DENND5B: variants seen among roughly 807,000 people sequenced by gnomAD.
The protein encoded by DENND5B is DENN domain-containing protein 5B.
In DENND5B, 34 loss-of-function variants were observed where a neutral mutation model predicts 140.6. The ratio of observed to expected loss-of-function variants is 0.24; its 90% CI spans 0.18 to 0.32. DENND5B has a LOEUF of 0.32. Among genes scored for constraint, DENND5B ranks in the 10% least tolerant of loss-of-function variants. The pLI is 1.00. For missense variants in DENND5B, 1,142 were observed against 1,560.2 expected, an observed-to-expected ratio of 0.73 and a Z score of 4.52; for synonymous variants, 551 against 562.1, an observed-to-expected ratio of 0.98 and a Z score of 0.28.
chr12:31,415,650 C>T (rs548427785), intron 11 of DENND5B, among the ~76,000 whole-genome samples: 13 of 152,234 alleles, frequency 8.5e-5, no homozygotes, highest in African/African-American at 2.6e-4. Flanking sequence ...GTGGCATGAT[C>T]GTGGCTCACT....
At chr12:31,541,734 C>T (rs952079024) in intron 1 of DENND5B, among the ~76,000 whole-genome samples, 3 of 152,118 alleles carry the variant, frequency 2.0e-5, no homozygotes, top group Non-Finnish European at 4.4e-5. Flanking sequence ...TATATCGAAG[C>T]GATATCTGCA....
At chr12:31,538,320 C>T (rs1408726441) in intron 1 of DENND5B, among the ~76,000 whole-genome samples, 1 of 152,140 alleles carries the variant, frequency 6.6e-6, no homozygotes, top group African/African-American at 2.4e-5. Flanking sequence ...AGCATCTTCT[C>T]TGACCACAAT....
intron 1 of DENND5B, among the ~76,000 whole-genome samples, chr12:31,501,943 C>T (rs1283752510): frequency 6.6e-6 from 1 of 152,056 alleles, no homozygotes; most frequent in African/African-American, 2.4e-5. Context: ...GAACTCCATT[C>T]TCAATTTTTC....
At chr12:31,450,435 C>A (rs1437223790) in intron 5 of DENND5B, among the ~76,000 whole-genome samples, 2 of 152,224 alleles carry the variant, frequency 1.3e-5, no homozygotes, top group African/African-American at 4.8e-5. Context: ...TCTTGGCTCA[C>A]TGCAGCCTCA....
intron 8 of DENND5B, chr12:31,432,176 A>G (rs1171985385): frequency 2.1e-6 from 2 of 966,090 alleles, no homozygotes; most frequent in Non-Finnish European, 2.5e-6. Flanking sequence ...AGAAATGCCA[A>G]TGACAGGAAA....
At chr12:31,439,856 G>A (rs1407563152) in intron 7 of DENND5B, among the ~76,000 whole-genome samples, 2 of 149,108 alleles carry the variant, frequency 1.3e-5, no homozygotes, top group Non-Finnish European at 1.5e-5. Flanking sequence ...CTTGAACCTG[G>A]GAGGTGGAGG....
Position 31,383,362 on chromosome 12 carries a change from C to T in DENND5B, c.*4241G>A, listed in dbSNP as rs1436024228. 1 of 152,146 alleles carries T rather than the reference C, an allele frequency of 6.6e-6. No homozygotes were observed. Among genetic ancestry groups the T allele is most frequent in the Non-Finnish European group, 1.5e-5 (1 of 68,032 alleles). 9.4% of individuals were successfully genotyped at this position (152,146 alleles called of 1,614,324 possible). The stretch of plus-strand genomic sequence containing the variant: ...TACTACACATAAGCTGTTGTATAGT[C>T]TTGAACCTCTTTTTCACTTACATTT... On this transcript the variant is annotated 3_prime_UTR_variant, in exon 21 of 21. Transcript: ENST00000389082.
At chr12:31,531,249 G>A (rs773908050) in intron 1 of DENND5B, among the ~76,000 whole-genome samples, 1 of 151,954 alleles carries the variant, frequency 6.6e-6, no homozygotes, top group Non-Finnish European at 1.5e-5. Flanking sequence ...ACCCAGGCTG[G>A]AGTGCAATGG....
At chr12:31,552,308 T>A (rs1472995085) in intron 1 of DENND5B, among the ~76,000 whole-genome samples, 1 of 152,218 alleles carries the variant, frequency 6.6e-6, no homozygotes, top group African/African-American at 2.4e-5. Flanking sequence ...CTTTTCTGCA[T>A]CTATTGAGAT....
chr12:31,509,697 G>C (rs531256402), intron 1 of DENND5B, among the ~76,000 whole-genome samples: 1 of 152,256 alleles, frequency 6.6e-6, no homozygotes, highest in East Asian at 1.9e-4. Context: ...TAAGAGGAGG[G>C]AGATAATAAG....
At chr12:31,392,190 C>G in intron 19 of DENND5B, 77 bp downstream of exon 19, 3 of 1,500,706 alleles carry the variant, frequency 2.0e-6, no homozygotes, top group Non-Finnish European at 2.7e-6. Context: ...AACCCTTATT[C>G]ACTCAGATTC....
intron 14 of DENND5B, among the ~76,000 whole-genome samples, chr12:31,407,805 C>T (rs1942216848): frequency 6.6e-6 from 1 of 152,172 alleles, no homozygotes; most frequent in Admixed American, 6.6e-5. Context: ...TGCCCACTGC[C>T]TACTTTGAGA....
At position 31,480,116 on chromosome 12, in the gene DENND5B, T is replaced by G. The variant is rs1288071363; in HGVS notation, c.377A>C (p.Lys126Thr). ...VLTFYEEVTS[K>T]QICTAMQTLY... ...TGTCTGCATTGCTGTGCAGATTTGC[T>G]TACTTGTAACTTCTTCATAAAAAGT... The change falls in exon 3 of 21, where the codon AAG (lysine) becomes ACG (threonine). Residue 126 changes from lysine (K) to threonine (T), a missense_variant. By Grantham distance (78) the Lys-to-Thr change is moderately conservative. Transcript: ENST00000389082. The G allele has an allele frequency of 1.1e-5, 18 of 1,613,272 alleles. No individual in the cohort carries two copies. The highest frequency in any genetic ancestry group is 1.5e-5 in the Non-Finnish European group (18 of 1,179,580).
intron 1 of DENND5B, among the ~76,000 whole-genome samples, chr12:31,545,352 A>G (rs1208982204): frequency 6.6e-6 from 1 of 152,086 alleles, no homozygotes; most frequent in Non-Finnish European, 1.5e-5. Flanking sequence ...CAAGTATTGA[A>G]TATAATACCC....
At chr12:31,408,557 G>A (rs923067174) in intron 14 of DENND5B, among the ~76,000 whole-genome samples, 66 of 147,384 alleles carry the variant, frequency 4.5e-4, no homozygotes, top group African/African-American at 1.6e-3. Flanking sequence ...AACCCAGGAG[G>A]TGGAGGCTGC....
In DENND5B at chr12:31,403,459, G is replaced by T. The variant is rs573144574; in HGVS notation, c.2804-816C>A. Among the ~76,000 whole-genome samples the T allele has an allele frequency of 9.4e-4, 142 of 151,778 alleles. 1 individual carries two copies. The highest frequency in any genetic ancestry group is 3.4e-3 in the Middle Eastern group (1 of 294). On this transcript the variant is annotated intron_variant, in intron 14 of 20. Coordinates refer to ENST00000389082, the MANE Select transcript of DENND5B (RefSeq NM_144973.4). Reference sequence around the variant, plus strand: ...AGTACAAAAATTAGCCGGGTGTGGTGGCAGGCGCCTGAAATCCCAGCTACT... The same window carrying T: ...AGTACAAAAATTAGCCGGGTGTGGTTGCAGGCGCCTGAAATCCCAGCTACT...
chr12:31,493,703 C>T (rs1223695622), intron 2 of DENND5B, among the ~76,000 whole-genome samples: 2 of 152,074 alleles, frequency 1.3e-5, no homozygotes, highest in South Asian at 2.1e-4. Context: ...TAGTGGTGTG[C>T]GCCTGTAATC....
At chr12:31,432,387 T>C (rs1314906810) in intron 8 of DENND5B, 1 of 152,356 alleles carries the variant, frequency 6.6e-6, no homozygotes, top group African/African-American at 2.4e-5. Flanking sequence ...TTTGGGATGA[T>C]GTTTTCTGCT....
rs974041496 is a variant in DENND5B at position 31,413,547 on chromosome 12, C to T, written c.2570G>A (p.Ser857Asn). 1.9e-6 allele frequency: 3 copies of T among 1,612,574 alleles called. No individual in the cohort carries two copies. The highest frequency in any genetic ancestry group is 1.7e-6 in the Non-Finnish European group (2 of 1,179,168). The stretch of plus-strand genomic sequence containing the variant: ...TCGTCCAACATCAGTCTTGATCTCA[C>T]TCATGTTTTGAATATGCCTAAAGAA... ...IQDMRHIQNM[S>N]EIKTDVGRAR... Residue 857 changes from serine (S) to asparagine (N), a missense_variant, in exon 13 of 21, where the codon AGT becomes AAT. Ser to Asn is a conservative substitution (Grantham distance 46, BLOSUM62 1). Coordinates refer to ENST00000389082, the MANE Select transcript of DENND5B (RefSeq NM_144973.4).
Sources: gnomAD v4.1 joint callset for allele counts (sites outside exome capture counted in the v4.1 genomes callset) on GRCh38, gnomAD v4.1.1 for gene constraint, MANE v1.5 for transcripts, NCBI Gene and HGNC (gene_info 2026-07-23, HGNC 2026-07-21) for gene names.